Variants in XKR4 observed in about 807,000 individuals in gnomAD.
XKR4 encodes the protein XK-related protein 4.
In XKR4, 12 loss-of-function variants were observed where a neutral mutation model predicts 53.9. The ratio of observed to expected loss-of-function variants is 0.22; its 90% CI spans 0.14 to 0.36. The LOEUF is 0.36. Ranked by LOEUF, XKR4 falls within the 10% of genes least tolerant of loss-of-function variation. XKR4 has a pLI of 1.00. For synonymous variants in XKR4, 354 were observed against 362.4 expected, an observed-to-expected ratio of 0.98 and a Z score of 0.26; for missense variants, 799 against 859.5, an observed-to-expected ratio of 0.93 and a Z score of 0.88.
At chr8:55,303,444 T>G (rs1267464992) in intron 1 of XKR4, among the ~76,000 whole-genome samples, 5 of 152,208 alleles carry the variant, frequency 3.3e-5, no homozygotes, top group African/African-American at 1.2e-4. Context: ...TCAAGGATAT[T>G]GGTCTAAAAT....
chr8:55,216,727 C>CA (rs35682640), intron 1 of XKR4, among the ~76,000 whole-genome samples: 38,388 of 100,838 alleles, frequency 0.38, 6,084 homozygotes, highest in Middle Eastern at 0.57. Flanking sequence ...AATTGCATCT[C>CA]AAAAAAAAAA....
intron 2 of XKR4, among the ~76,000 whole-genome samples, chr8:55,518,153 G>A (rs1001809434): frequency 6.6e-6 from 1 of 152,180 alleles, no homozygotes; most frequent in Non-Finnish European, 1.5e-5. Flanking sequence ...TACATCCTAC[G>A]AAGCGTGCTC....
At chr8:55,163,033 G>A (rs1382089058) in intron 1 of XKR4, among the ~76,000 whole-genome samples, 1 of 152,170 alleles carries the variant, frequency 6.6e-6, no homozygotes, top group African/African-American at 2.4e-5. Flanking sequence ...AGAAAGATCA[G>A]AGTTCACATC....
At chr8:55,451,729 C>T (rs1209453340) in intron 2 of XKR4, 6 of 1,240,454 alleles carry the variant, frequency 4.8e-6, no homozygotes, top group East Asian at 2.3e-5. Context: ...CAGAGAAATG[C>T]GGAAGGATTC....
chr8:55,472,445 T>A (rs983914340), intron 2 of XKR4, among the ~76,000 whole-genome samples: 3 of 152,144 alleles, frequency 2.0e-5, no homozygotes, highest in African/African-American at 7.3e-5. Flanking sequence ...ATGCTGACTA[T>A]TATTAGTATG....
chr8:55,350,821 C>A (rs945381485), intron 1 of XKR4, among the ~76,000 whole-genome samples: 7 of 149,590 alleles, frequency 4.7e-5, no homozygotes, highest in African/African-American at 1.5e-4. Context: ...TTCACTGCAA[C>A]CTCTGCCTCC....
intron 1 of XKR4, among the ~76,000 whole-genome samples, chr8:55,236,244 G>A (rs560246393): frequency 1.3e-5 from 2 of 152,276 alleles, no homozygotes; most frequent in East Asian, 3.9e-4. Context: ...ATGCTTTGCT[G>A]CCTTTTTTCT....
intron 1 of XKR4, among the ~76,000 whole-genome samples, chr8:55,124,790 T>G (rs1215457149): frequency 6.6e-6 from 1 of 152,120 alleles, no homozygotes; most frequent in African/African-American, 2.4e-5. Flanking sequence ...CATAGCTCAC[T>G]GCAACCTTGA....
intron 1 of XKR4, among the ~76,000 whole-genome samples, chr8:55,109,679 A>G (rs1017979285): frequency 6.6e-6 from 1 of 152,216 alleles, no homozygotes; most frequent in Non-Finnish European, 1.5e-5. Context: ...CACTTGAACT[A>G]TGAAGTGTTT....
chr8:55,149,660 T>G (rs1235950539), intron 1 of XKR4, among the ~76,000 whole-genome samples: 3 of 152,088 alleles, frequency 2.0e-5, no homozygotes, highest in African/African-American at 4.8e-5. Context: ...AGCTCTGGCC[T>G]TTGGAGTATT....
chr8:55,499,231 G>A (rs1333553093), intron 2 of XKR4, among the ~76,000 whole-genome samples: 1 of 152,162 alleles, frequency 6.6e-6, no homozygotes, highest in Non-Finnish European at 1.5e-5. Context: ...ATAATGTATG[G>A]GGAAGCACTA....
chr8:55,402,327 T>C (rs1231338127), intron 2 of XKR4, among the ~76,000 whole-genome samples: 3 of 152,210 alleles, frequency 2.0e-5, no homozygotes, highest in African/African-American at 7.2e-5. Flanking sequence ...CCTTCACCCA[T>C]GCAGACCAAA....
At chr8:55,505,988 G>A (rs752497225) in intron 2 of XKR4, among the ~76,000 whole-genome samples, 3 of 152,210 alleles carry the variant, frequency 2.0e-5, no homozygotes, top group African/African-American at 4.8e-5. Context: ...GCTGTCATAT[G>A]TGGTCATACA....
intron 1 of XKR4, among the ~76,000 whole-genome samples, chr8:55,183,434 G>A (rs1301763124): frequency 2.0e-5 from 3 of 151,594 alleles, no homozygotes; most frequent in Non-Finnish European, 2.9e-5. Context: ...TATGTTCATT[G>A]TTCATTTTCA....
intron 1 of XKR4, among the ~76,000 whole-genome samples, chr8:55,130,694 G>A (rs990555648): frequency 1.1e-4 from 17 of 152,156 alleles, no homozygotes; most frequent in Non-Finnish European, 2.4e-4. Flanking sequence ...AGATGACTAG[G>A]CCCCCATTAT....
chr8:55,335,071 A>G (rs1803440090), intron 1 of XKR4, among the ~76,000 whole-genome samples: 1 of 152,180 alleles, frequency 6.6e-6, no homozygotes, highest in African/African-American at 2.4e-5. Flanking sequence ...AAAATTTTAG[A>G]CAACATAGGG....
chr8:55,502,449 G>A (rs1806459135), intron 2 of XKR4, among the ~76,000 whole-genome samples: 1 of 151,760 alleles, frequency 6.6e-6, no homozygotes, highest in South Asian at 2.1e-4. Flanking sequence ...ATATCTCATT[G>A]TGGTTTTAAT....
intron 1 of XKR4, among the ~76,000 whole-genome samples, chr8:55,253,306 C>T (rs1377538134): frequency 6.6e-6 from 1 of 152,184 alleles, no homozygotes; most frequent in Non-Finnish European, 1.5e-5. Flanking sequence ...TGGCGACATG[C>T]CTCTGTGTTG....
At chr8:55,125,123 C>A (rs1446823996) in intron 1 of XKR4, among the ~76,000 whole-genome samples, 2 of 152,184 alleles carry the variant, frequency 1.3e-5, no homozygotes, top group Non-Finnish European at 2.9e-5. Flanking sequence ...TATAACAGAT[C>A]TTACCTATTT....
Sources: allele counts gnomAD v4.1 joint callset (sites outside exome capture counted in the v4.1 genomes callset), GRCh38; gene constraint gnomAD v4.1.1; transcripts MANE v1.5; gene names NCBI Gene and HGNC (gene_info 2026-07-23, HGNC 2026-07-21).